GRM8: variants seen among roughly 807,000 people sequenced by gnomAD.
GRM8 encodes glutamate metabotropic receptor 8, also known as metabotropic glutamate receptor 8.
In GRM8, 47 loss-of-function variants were observed where a neutral mutation model predicts 87.2. The observed-to-expected ratio is 0.54, with a 90% confidence interval of 0.43 to 0.69. The LOEUF is 0.69. Among genes scored for constraint, GRM8 ranks in the 30% least tolerant of loss-of-function variants. GRM8 has a pLI of 0.00. For synonymous variants in GRM8, 396 were observed against 404.5 expected (o/e 0.98, Z 0.25); for missense variants, 1,019 against 1,139.2 (o/e 0.89, Z 1.52).
At chr7:126,693,982 T>C (rs1809098050) in intron 7 of GRM8, among the ~76,000 whole-genome samples, 1 of 152,040 alleles carries the variant, frequency 6.6e-6, no homozygotes, top group Non-Finnish European at 1.5e-5. Context: ...TTAAGATTTT[T>C]TAAGATAGGT....
intron 9 of GRM8, among the ~76,000 whole-genome samples, chr7:126,503,040 G>A (rs1255629331): frequency 2.0e-5 from 3 of 151,908 alleles, no homozygotes; most frequent in African/African-American, 7.2e-5. Context: ...TAGGGAATGA[G>A]ACTCAAACAA....
intron 7 of GRM8, among the ~76,000 whole-genome samples, chr7:126,704,935 C>A (rs527501887): frequency 6.6e-6 from 1 of 152,082 alleles, no homozygotes; most frequent in Non-Finnish European, 1.5e-5. Flanking sequence ...TTGTGAAGTA[C>A]GTGATCTCTG....
At chr7:126,632,895 G>A (rs1183606171) in intron 7 of GRM8, among the ~76,000 whole-genome samples, 4 of 152,102 alleles carry the variant, frequency 2.6e-5, no homozygotes, top group Non-Finnish European at 5.9e-5. Context: ...TAGAGGATAG[G>A]AGGAGCGAGA....
chr7:126,743,284 A>T (rs148109784), intron 7 of GRM8, among the ~76,000 whole-genome samples: 1 of 152,244 alleles, frequency 6.6e-6, no homozygotes, highest in African/African-American at 2.4e-5. Context: ...TTATAGCTTA[A>T]TGTGCTATAA....
chr7:126,563,296 T>TA (rs763257180), intron 8 of GRM8, among the ~76,000 whole-genome samples: 1,596 of 128,690 alleles, frequency 0.012, 22 homozygotes, highest in African/African-American at 0.039. Flanking sequence ...TGGTTTTTTT[T>TA]TAAAAAAAAA....
intron 7 of GRM8, among the ~76,000 whole-genome samples, chr7:126,666,883 T>C (rs1805831881): frequency 6.6e-6 from 1 of 152,206 alleles, no homozygotes; most frequent in African/African-American, 2.4e-5. Context: ...CATATTTGCA[T>C]AAATATTAAT....
intron 7 of GRM8, among the ~76,000 whole-genome samples, chr7:126,648,130 C>T (rs1803379590): frequency 6.6e-6 from 1 of 152,128 alleles, no homozygotes; most frequent in Non-Finnish European, 1.5e-5. Flanking sequence ...GCTGTTTACT[C>T]TGCCAGGAAG....
At chr7:126,795,812 T>C (rs1460766773) in intron 6 of GRM8, among the ~76,000 whole-genome samples, 1 of 151,812 alleles carries the variant, frequency 6.6e-6, no homozygotes, top group Non-Finnish European at 1.5e-5. Flanking sequence ...ACTGGATGTA[T>C]GTTGCTGCAG....
rs150847069 is a variant in GRM8, at chr7:126,844,375, G to A, written c.1156+58167C>T. Among the ~76,000 whole-genome samples, 12 of 152,290 alleles carry A rather than the reference G, an allele frequency of 7.9e-5. No homozygotes were observed. In the East Asian group the frequency reaches 1.9e-3, roughly 24 times the overall value. On this transcript the variant is annotated intron_variant, in intron 6 of 10. Coordinates refer to ENST00000339582, the MANE Select transcript of GRM8 (RefSeq NM_000845.3). ...TCTGAAAGTGTCTGAGCCATGGGGT[G>A]AGGGGTATGTAACCAAACTTGTTTT...
rs143587206 is a variant in GRM8, at chr7:127,179,414, C to T, written c.510+63281G>A. On this transcript the variant is annotated intron_variant, in intron 2 of 10. Coordinates refer to ENST00000339582, the MANE Select transcript of GRM8 (RefSeq NM_000845.3). Reference sequence around the variant, plus strand: ...CACAATAATAGTGGAGACTTCAATACTCCACTGACAGCACTAGACAGGTTA... The same window carrying T: ...CACAATAATAGTGGAGACTTCAATATTCCACTGACAGCACTAGACAGGTTA... Among the ~76,000 whole-genome samples the T allele has an allele frequency of 1.5e-4, 23 of 152,216 alleles. No homozygotes were observed. The Middle Eastern group carries it at 0.017, about 113-fold the overall frequency.
At chr7:126,484,672 T>A (rs1320022695) in intron 9 of GRM8, among the ~76,000 whole-genome samples, 1 of 152,056 alleles carries the variant, frequency 6.6e-6, no homozygotes, top group African/African-American at 2.4e-5. Context: ...GTACAGTGAT[T>A]TTTTTTAAAG....
intron 3 of GRM8, among the ~76,000 whole-genome samples, chr7:127,027,756 A>G (rs1330973731): frequency 1.3e-5 from 2 of 152,202 alleles, no homozygotes; most frequent in Admixed American, 1.3e-4. Flanking sequence ...TTTTCTAAAT[A>G]TACAATCATG....
intron 6 of GRM8, among the ~76,000 whole-genome samples, chr7:126,844,542 G>GTT (rs1484383964): frequency 6.6e-6 from 1 of 152,062 alleles, no homozygotes; most frequent in Non-Finnish European, 1.5e-5. Flanking sequence ...TTGTAACAAA[G>GTT]AGACAAAGGG....
At chr7:126,462,821 T>C (rs988478102) in intron 9 of GRM8, among the ~76,000 whole-genome samples, 8 of 151,620 alleles carry the variant, frequency 5.3e-5, no homozygotes, top group Non-Finnish European at 1.2e-4. Flanking sequence ...TCTTTTTCCT[T>C]TTATTATTTT....
chr7:126,621,395 A>G (rs901100893), intron 7 of GRM8, among the ~76,000 whole-genome samples: 5 of 151,938 alleles, frequency 3.3e-5, no homozygotes, highest in African/African-American at 9.7e-5. Flanking sequence ...CTTATTTCCA[A>G]TTACCTTTTT....
At chr7:126,917,139 C>T (rs1389486866) in intron 3 of GRM8, among the ~76,000 whole-genome samples, 1 of 152,054 alleles carries the variant, frequency 6.6e-6, no homozygotes, top group Non-Finnish European at 1.5e-5. Context: ...CCATGCCTGG[C>T]TAATATTTTT....
In GRM8 at chr7:126,696,545, C is replaced by A. The variant is rs1263281452; in HGVS notation, c.1357+73320G>T. Among the ~76,000 whole-genome samples the A allele has an allele frequency of 2.0e-5, 3 of 152,028 alleles. No homozygotes were observed. In the East Asian group the frequency reaches 5.8e-4, roughly 29 times the overall value. On this transcript the variant is annotated intron_variant, in intron 7 of 10. Transcript: ENST00000339582. Reference sequence around the variant, plus strand: ...ATGACGCAGTGGTAACACATGGAAGCCTCCTTTCTTTAAGGAACTATTACT... The same window carrying A: ...ATGACGCAGTGGTAACACATGGAAGACTCCTTTCTTTAAGGAACTATTACT...
At chr7:126,850,884 G>C (rs532110950) in intron 6 of GRM8, among the ~76,000 whole-genome samples, 67 of 152,130 alleles carry the variant, frequency 4.4e-4, no homozygotes, top group Non-Finnish European at 8.1e-4. Context: ...TGCGAGGCAG[G>C]CTCCTGAATG....
At chr7:126,587,909 TAA>T (rs74603340) in intron 8 of GRM8, among the ~76,000 whole-genome samples, 58 of 142,798 alleles carry the variant, frequency 4.1e-4, no homozygotes, top group African/African-American at 6.2e-4. Context: ...ATCCCAAGAT[TAA>T]AAAAAAAAAA....
Sources: gnomAD v4.1 joint callset for allele counts (sites outside exome capture counted in the v4.1 genomes callset) on GRCh38, gnomAD v4.1.1 for gene constraint, MANE v1.5 for transcripts, NCBI Gene and HGNC (gene_info 2026-07-23, HGNC 2026-07-21) for gene names.